The following NSRP1 variants were observed in gnomAD, a reference collection of about 807,000 sequenced individuals.
NSRP1 encodes the protein nuclear speckle splicing regulatory protein 1.
In NSRP1, 24 loss-of-function variants were observed where a neutral mutation model predicts 54.7. The observed-to-expected ratio is 0.44, with a 90% CI of 0.32 to 0.62. The LOEUF (loss-of-function observed/expected upper bound fraction) is 0.62, where lower values mean the gene tolerates loss of function less well. Among genes scored for constraint, NSRP1 ranks in the 20% least tolerant of loss-of-function variants. NSRP1 has a pLI of 0.06. For missense variants in NSRP1, 596 were observed against 651.2 expected, an observed-to-expected ratio of 0.92 and a Z score of 0.92; for synonymous variants, 210 against 213.8, an observed-to-expected ratio of 0.98 and a Z score of 0.15.
rs576437103 is a variant in NSRP1 at position 30,181,165 on chromosome 17, A to C, written c.617+149A>C. Reference sequence around the variant, plus strand: ...TTACCTAACTGAATGAATGGCTAGAAATTTGCAGTTTCTTGATTTTAAAAC... The same window carrying C: ...TTACCTAACTGAATGAATGGCTAGACATTTGCAGTTTCTTGATTTTAAAAC... On this transcript the variant is annotated intron_variant, in intron 6 of 6. Coordinates refer to ENST00000247026, the MANE Select transcript of NSRP1 (RefSeq NM_032141.4). 1.7e-5 allele frequency: 10 copies of C among 604,518 alleles called. No homozygotes were observed. In the South Asian group the frequency reaches 1.7e-4, roughly 10 times the overall value. 37.4% of individuals were successfully genotyped at this position (604,518 alleles called of 1,614,324 possible).
chr17:30,117,018 C>T (rs1279763022), intron 1 of NSRP1, 155 bp downstream of exon 1: 3 of 963,690 alleles, frequency 3.1e-6, no homozygotes, highest in Non-Finnish European at 4.9e-6. Context: ...ACATAGATTC[C>T]CCTCCCCCGT....
intron 2 of NSRP1, among the ~76,000 whole-genome samples, chr17:30,137,415 A>G (rs1370485509): frequency 6.6e-6 from 1 of 152,222 alleles, no homozygotes; most frequent in African/African-American, 2.4e-5. Context: ...GTATCTGAGC[A>G]AAACTTCAGG....
chr17:30,118,149 G>GA lies in NSRP1; in HGVS notation c.92dup (p.Asn31LysfsTer2). On this transcript the variant is annotated frameshift_variant, in exon 2 of 7. Transcript: ENST00000247026. LOFTEE classifies it high-confidence loss of function. Reference sequence around the variant, plus strand: ...TTTTGCAAAAACCATCAGTGTTTGGGAATGATTCTGATGATGATGATGAGG... The same window carrying GA: ...TTTTGCAAAAACCATCAGTGTTTGGGAAATGATTCTGATGATGATGATGAGG... 6.2e-7 allele frequency: 1 copy of GA among 1,613,830 alleles called. No homozygotes were observed. The highest frequency in any genetic ancestry group is 1.1e-5 in the South Asian group (1 of 91,080).
rs193177731 is a variant in NSRP1 at position 30,185,009 on chromosome 17, C to T, written c.1012C>T (p.Arg338Trp). ...GAACCATTACACTGACCGTGATTAC[C>T]GGAAAGAAAGGGATTCTCATAGGCA... Reference protein sequence around the residue: ...QENHYTDRDYRKERDSHRHRE... With the variant: ...QENHYTDRDYWKERDSHRHRE... The change falls in exon 7 of 7, where the codon CGG becomes TGG. Residue 338 changes from arginine (R) to tryptophan (W), a missense_variant. By Grantham distance (101) the Arg-to-Trp change is moderately radical. Transcript: ENST00000247026. 3.2e-5 allele frequency: 51 copies of T among 1,613,928 alleles called. No individual in the cohort carries two copies. The highest frequency in any genetic ancestry group is 6.7e-5 in the East Asian group (3 of 44,856).
At chr17:30,128,243 C>T (rs1262199047) in intron 2 of NSRP1, 1 of 152,806 alleles carries the variant, frequency 6.5e-6, no homozygotes, top group Non-Finnish European at 1.4e-5. Context: ...ATAGGTTAAG[C>T]ATTTATAGAA....
Position 30,185,869 on chromosome 17 carries a change from T to C in NSRP1, c.*195T>C. 1 of 485,630 alleles carries C rather than the reference T, an allele frequency of 2.1e-6. No homozygotes were observed. The highest frequency in any genetic ancestry group is 3.5e-6 in the Non-Finnish European group (1 of 282,944). The allele number at this position is 485,630 out of a possible 1,614,324, so 30.1% of individuals were successfully genotyped here. On this transcript the variant is annotated 3_prime_UTR_variant, in exon 7 of 7. Coordinates refer to ENST00000247026, the MANE Select transcript of NSRP1 (RefSeq NM_032141.4). ...GATGTTTGGCTGAATTTATATATAG[T>C]GTGTACTCATCAATACCACATTCTT...
chr17:30,172,693 A>T (rs1904996542), intron 3 of NSRP1, 95 bp downstream of exon 3: 4 of 913,904 alleles, frequency 4.4e-6, no homozygotes, highest in Non-Finnish European at 6.7e-6. Context: ...ACTAAAACAG[A>T]ATAGATTTAA....
At chr17:30,142,182 A>G (rs1256561969) in intron 2 of NSRP1, among the ~76,000 whole-genome samples, 1 of 152,160 alleles carries the variant, frequency 6.6e-6, no homozygotes, top group Non-Finnish European at 1.5e-5. Flanking sequence ...ACTGGTCTAC[A>G]TGATTTTTAT....
chr17:30,117,022 C>A (rs982966256), intron 1 of NSRP1, 159 bp downstream of exon 1: 18 of 947,438 alleles, frequency 1.9e-5, no homozygotes, highest in Non-Finnish European at 2.9e-5. Flanking sequence ...AGATTCCCCT[C>A]CCCCGTACAT....
intron 2 of NSRP1, among the ~76,000 whole-genome samples, chr17:30,121,676 TCTC>T (rs143460150): frequency 0.069 from 10,408 of 151,060 alleles, 1,140 homozygotes; most frequent in African/African-American, 0.24. Context: ...TTCAAGCAAT[TCTC>T]CTGCCTCAGC....
intron 2 of NSRP1, among the ~76,000 whole-genome samples, chr17:30,140,390 G>A (rs1468844607): frequency 1.3e-5 from 2 of 152,006 alleles, no homozygotes; most frequent in Admixed American, 6.6e-5. Flanking sequence ...GAGTATAAAA[G>A]AGACCAAAAT....
At chr17:30,130,946 A>G (rs940114059) in intron 2 of NSRP1, among the ~76,000 whole-genome samples, 1 of 152,232 alleles carries the variant, frequency 6.6e-6, no homozygotes, top group Admixed American at 6.5e-5. Context: ...TGTGCCAGTG[A>G]AACATAACAA....
chr17:30,133,543 T>C (rs2071721269), intron 2 of NSRP1, among the ~76,000 whole-genome samples: 1 of 152,228 alleles, frequency 6.6e-6, no homozygotes, highest in Admixed American at 6.5e-5. Flanking sequence ...CAAGTAGATT[T>C]AGCATAATTT....
chr17:30,184,566 CTGATAA>C (rs768416105), intron 6 of NSRP1, 43 bp from the exon 7 acceptor site: 1 of 1,512,014 alleles, frequency 6.6e-7, no homozygotes, highest in South Asian at 1.4e-5. Context: ...CTTATTACAA[CTGATAA>C]TGTGGCATTT....
At chr17:30,173,268 A>G in intron 3 of NSRP1, among the ~76,000 whole-genome samples, 1 of 152,250 alleles carries the variant, frequency 6.6e-6, no homozygotes, top group Middle Eastern at 3.4e-3. Context: ...GCGGCCTGAT[A>G]ATTTTTAAAA....
intron 2 of NSRP1, among the ~76,000 whole-genome samples, chr17:30,136,268 A>C (rs1223893155): frequency 6.6e-6 from 1 of 152,138 alleles, no homozygotes; most frequent in Non-Finnish European, 1.5e-5. Context: ...TTATATATTA[A>C]ATTTCCATAA....
At chr17:30,157,394 C>G (rs1904347472) in intron 2 of NSRP1, among the ~76,000 whole-genome samples, 1 of 152,074 alleles carries the variant, frequency 6.6e-6, no homozygotes, top group African/African-American at 2.4e-5. Context: ...ATGTAATGAT[C>G]AAGTCAGGGT....
At chr17:30,136,972 T>A (rs1487576496) in intron 2 of NSRP1, among the ~76,000 whole-genome samples, 1 of 152,190 alleles carries the variant, frequency 6.6e-6, no homozygotes, top group Non-Finnish European at 1.5e-5. Flanking sequence ...TAATAATAGG[T>A]TAAAATTCTC....
intron 2 of NSRP1, among the ~76,000 whole-genome samples, chr17:30,165,947 T>G (rs1904715787): frequency 6.6e-6 from 1 of 152,112 alleles, no homozygotes; most frequent in East Asian, 1.9e-4. Context: ...ATAAATATAC[T>G]ATAAAGAGGA....
Sources: allele counts gnomAD v4.1 joint callset (sites outside exome capture counted in the v4.1 genomes callset), GRCh38; gene constraint gnomAD v4.1.1; transcripts MANE v1.5; gene names NCBI Gene and HGNC (gene_info 2026-07-23, HGNC 2026-07-21).